BPHL: variants seen among roughly 807,000 people sequenced by gnomAD.
BPHL encodes the protein serine hydrolase BPHL.
In BPHL, 27 loss-of-function variants were observed where a neutral mutation model predicts 31.2. The observed-to-expected ratio is 0.87, with a 90% CI of 0.64 to 1.19. The LOEUF (loss-of-function observed/expected upper bound fraction) is 1.19. BPHL is among the 50% of genes most tolerant of loss of function. The pLI is 0.00. For missense variants in BPHL, 356 were observed against 375.7 expected (o/e 0.95, Z 0.43); for synonymous variants, 150 against 146.8 (o/e 1.02, Z -0.16).
At chr6:3,120,558 G>A (rs965049223) in intron 1 of BPHL, among the ~76,000 whole-genome samples, 2 of 152,138 alleles carry the variant, frequency 1.3e-5, no homozygotes, top group Non-Finnish European at 2.9e-5. Context: ...AGTGTCAGTA[G>A]GTAAAAGGAT....
chr6:3,122,753 T>G (rs376763053), intron 1 of BPHL, among the ~76,000 whole-genome samples: 16 of 152,306 alleles, frequency 1.1e-4, no homozygotes, highest in African/African-American at 3.6e-4. Flanking sequence ...ACAGACATAT[T>G]TTAACATCTT....
intron 6 of BPHL, among the ~76,000 whole-genome samples, chr6:3,146,751 GGTTTGGGTC>G (rs1762391515): frequency 6.8e-6 from 1 of 147,874 alleles, no homozygotes; most frequent in African/African-American, 2.5e-5. Context: ...TCGGAGTGCT[GGTTTGGGTC>G]AGAGTGCTGG....
intron 4 of BPHL, among the ~76,000 whole-genome samples, chr6:3,130,895 G>C (rs1761852352): frequency 6.6e-6 from 1 of 152,064 alleles, no homozygotes; most frequent in Admixed American, 6.5e-5. Flanking sequence ...TGCCAGTCCT[G>C]TCTGTGCTCC....
Position 3,127,413 on chromosome 6 carries a change from G to T in BPHL, c.378+5G>T. 1.3e-6 allele frequency: 2 copies of T among 1,582,936 alleles called. No individual in the cohort carries two copies. Among genetic ancestry groups the T allele is most frequent in the Non-Finnish European group, 1.7e-6 (2 of 1,160,468 alleles). On this transcript the variant is annotated splice_donor_5th_base_variant and intron_variant, in intron 3 of 6. Coordinates refer to ENST00000380379, the MANE Select transcript of BPHL (RefSeq NM_004332.4). ...GATGCTGTTGATTTGATGAAGGTAG[G>T]TCTCTGAGGGAAGGGCCAGGGGAGG...
Position 3,130,316 on chromosome 6 carries a change from A to G in BPHL, c.532+1118A>G, listed in dbSNP as rs190776450. On this transcript the variant is annotated intron_variant, in intron 4 of 6. Coordinates refer to ENST00000380379, the MANE Select transcript of BPHL (RefSeq NM_004332.4). The stretch of plus-strand genomic sequence containing the variant: ...CACTACACAGGGGTGACTGTTGGCA[A>G]TGAGCAGGCACCCAGCCATGGAATT... Among the ~76,000 whole-genome samples, 429 of 152,262 alleles carry G rather than the reference A, an allele frequency of 2.8e-3. 2 individuals carry two copies. Among genetic ancestry groups the G allele is most frequent in the African/African-American group, 9.8e-3 (408 of 41,578 alleles).
chr6:3,121,581 T>C (rs535933623), intron 1 of BPHL, among the ~76,000 whole-genome samples: 2 of 152,160 alleles, frequency 1.3e-5, no homozygotes, highest in South Asian at 2.1e-4. Context: ...CCGCCCAAAG[T>C]ATCGGGATTA....
chr6:3,142,180 G>A (rs1306094679), intron 6 of BPHL, among the ~76,000 whole-genome samples: 1 of 151,356 alleles, frequency 6.6e-6, no homozygotes, highest in Non-Finnish European at 1.5e-5. Context: ...GTGCAATGGC[G>A]CGATCTCGGC....
chr6:3,143,515 C>T (rs1029313951), intron 6 of BPHL, among the ~76,000 whole-genome samples: 3 of 152,182 alleles, frequency 2.0e-5, no homozygotes, highest in African/African-American at 4.8e-5. Context: ...TGTTTTTAGT[C>T]GGTTGAAGCC....
chr6:3,129,377 A>G (rs978356719), intron 4 of BPHL, among the ~76,000 whole-genome samples, 179 bp downstream of exon 4: 1 of 152,276 alleles, frequency 6.6e-6, no homozygotes, highest in Non-Finnish European at 1.5e-5. Flanking sequence ...TCTGAGTTTT[A>G]AAGCTTTCTG....
chr6:3,124,317 T>G (rs566501624), intron 2 of BPHL, among the ~76,000 whole-genome samples: 1 of 152,352 alleles, frequency 6.6e-6, no homozygotes, highest in African/African-American at 2.4e-5. Flanking sequence ...AATCTCATTT[T>G]GCAGAACTGG....
In BPHL at chr6:3,144,684, A is replaced by G. The variant is rs374222413; in HGVS notation, c.788+4175A>G. Among the ~76,000 whole-genome samples, 5 of 152,110 alleles carry G rather than the reference A, an allele frequency of 3.3e-5. No individual in the cohort carries two copies. The East Asian group carries it at 7.7e-4, about 23-fold the overall frequency. On this transcript the variant is annotated intron_variant, in intron 6 of 6. Coordinates refer to ENST00000380379, the MANE Select transcript of BPHL (RefSeq NM_004332.4). ...CGGGATTACAGGTGTGAGCCACTGC[A>G]CCCAGCCTCTTTATTCATATCTCTA...
chr6:3,147,747 G>C (rs1226296775), intron 6 of BPHL, among the ~76,000 whole-genome samples: 1 of 152,238 alleles, frequency 6.6e-6, no homozygotes, highest in Non-Finnish European at 1.5e-5. Context: ...GAGTTGGCCA[G>C]CTGGAGACCC....
At chr6:3,133,634 T>C (rs537356071) in intron 4 of BPHL, among the ~76,000 whole-genome samples, 18 of 152,138 alleles carry the variant, frequency 1.2e-4, no homozygotes, top group Admixed American at 7.8e-4. Context: ...GTGTGGGCCC[T>C]TCCCGCTCCC....
In BPHL at chr6:3,145,929, G is replaced by A. The variant is rs560757146; in HGVS notation, c.788+5420G>A. Among the ~76,000 whole-genome samples the A allele has an allele frequency of 2.0e-4, 14 of 69,598 alleles. No homozygotes were observed. In the South Asian group the frequency reaches 4.5e-3, roughly 23 times the overall value. The allele number at this position is 69,598 out of a possible 152,430, so 45.7% of individuals were successfully genotyped here. ...CTGGTTTGGGTTGGAGTGCTGGTTCGGGTTGGAGTGCTGGTTCCAGCTGGA... is the reference window on the plus strand; with the variant it reads ...CTGGTTTGGGTTGGAGTGCTGGTTCAGGTTGGAGTGCTGGTTCCAGCTGGA... On this transcript the variant is annotated intron_variant, in intron 6 of 6. Coordinates refer to ENST00000380379, the MANE Select transcript of BPHL (RefSeq NM_004332.4).
At chr6:3,134,795 G>A (rs1174182870) in intron 4 of BPHL, among the ~76,000 whole-genome samples, 1 of 151,806 alleles carries the variant, frequency 6.6e-6, no homozygotes, top group Non-Finnish European at 1.5e-5. Flanking sequence ...GTAGAGACGG[G>A]GTTTCACCGT....
chr6:3,147,828 C>G (rs1017440006), intron 6 of BPHL, among the ~76,000 whole-genome samples: 1 of 152,120 alleles, frequency 6.6e-6, no homozygotes, highest in Admixed American at 6.5e-5. Flanking sequence ...TGGTGTGGTT[C>G]TAGTGTGAAA....
rs371510687 is a variant in BPHL at position 3,145,163 on chromosome 6, CA to C, written c.788+4655del. 4.5e-4 allele frequency among the ~76,000 whole-genome samples: 33 copies of C among 74,098 alleles called. 5 individuals are homozygous for C. The highest frequency in any genetic ancestry group is 5.0e-4 in the Admixed American group (4 of 8,044). The allele number at this position is 74,098 out of a possible 152,430, so 48.6% of individuals were successfully genotyped here. On this transcript the variant is annotated intron_variant, in intron 6 of 6. Coordinates refer to ENST00000380379, the MANE Select transcript of BPHL (RefSeq NM_004332.4). Reference sequence around the variant, plus strand: ...TGCTGGTTTGGGTCGAGTGCTGGTTCAGGGTGGAGTGCTGGTTCGGGGTGGA... The same window carrying C: ...TGCTGGTTTGGGTCGAGTGCTGGTTCGGGTGGAGTGCTGGTTCGGGGTGGA...
At chr6:3,121,111 G>A (rs1182619703) in intron 1 of BPHL, among the ~76,000 whole-genome samples, 1 of 152,092 alleles carries the variant, frequency 6.6e-6, no homozygotes, top group African/African-American at 2.4e-5. Context: ...GAAGTAATTA[G>A]TAGGCACAAT....
In BPHL at chr6:3,152,661, G is replaced by T; in HGVS notation, c.*86G>T. On this transcript the variant is annotated 3_prime_UTR_variant, in exon 7 of 7. Transcript: ENST00000380379. ...TAACATGATGCCTTTGAAACTCTCC[G>T]CCTTTGAAACTTTCTACCCCTCCCT... 1 of 1,237,752 alleles carries T rather than the reference G, an allele frequency of 8.1e-7. No individual in the cohort carries two copies. Among genetic ancestry groups the T allele is most frequent in the South Asian group, 1.4e-5 (1 of 73,528 alleles). 76.7% of individuals were successfully genotyped at this position (1,237,752 alleles called of 1,614,324 possible).
Sources: gnomAD v4.1 joint callset for allele counts (sites outside exome capture counted in the v4.1 genomes callset) on GRCh38, gnomAD v4.1.1 for gene constraint, MANE v1.5 for transcripts, NCBI Gene and HGNC (gene_info 2026-07-23, HGNC 2026-07-21) for gene names.